The following ATP2B1 variants were observed in gnomAD, a reference collection of about 807,000 sequenced individuals.
ATP2B1 encodes the protein ATPase plasma membrane Ca2+ transporting 1, also known as plasma membrane calcium-transporting ATPase 1.
A neutral mutation model predicts 124.2 loss-of-function variants in ATP2B1; 14 were observed. That is an observed-to-expected ratio of 0.11 (90% CI 0.07 to 0.18). The LOEUF is 0.18. Among genes scored for constraint, ATP2B1 ranks in the 10% least tolerant of loss-of-function variants. The probability of loss-of-function intolerance (pLI) is 1.00; values close to 1 mark genes in which losing one functional copy is unlikely to be tolerated. For synonymous variants in ATP2B1, 449 were observed against 492.4 expected, an observed-to-expected ratio of 0.91 and a Z score of 1.17; for missense variants, 763 against 1,466.1, an observed-to-expected ratio of 0.52 and a Z score of 7.83.
chr12:89,608,334 A>G (rs934091978), intron 15 of ATP2B1, among the ~76,000 whole-genome samples: 2 of 151,864 alleles, frequency 1.3e-5, no homozygotes, highest in Non-Finnish European at 2.9e-5. Flanking sequence ...CATCCAGCTA[A>G]TTTTTGTATG....
intron 1 of ATP2B1, among the ~76,000 whole-genome samples, chr12:89,706,762 A>C (rs952489146): frequency 1.3e-5 from 2 of 152,206 alleles, no homozygotes; most frequent in Non-Finnish European, 2.9e-5. Context: ...GAAAATCACG[A>C]AATTTTAAAT....
intron 1 of ATP2B1, among the ~76,000 whole-genome samples, chr12:89,659,980 A>C (rs1214015693): frequency 6.6e-6 from 1 of 151,848 alleles, no homozygotes. Flanking sequence ...CAACAATAAA[A>C]AATCAATTAT....
chr12:89,642,460 A>C, intron 2 of ATP2B1, 105 bp from the exon 3 acceptor site: 7 of 1,078,308 alleles, frequency 6.5e-6, no homozygotes, highest in African/African-American at 1.6e-5. Flanking sequence ...CCCTACCAAA[A>C]TGTTTACTTT....
intron 2 of ATP2B1, among the ~76,000 whole-genome samples, chr12:89,643,382 G>GTTAATC (rs1470931341): frequency 2.0e-5 from 3 of 152,096 alleles, no homozygotes; most frequent in Non-Finnish European, 4.4e-5. Context: ...ACAGTGAAAA[G>GTTAATC]TTAATCTATC....
chr12:89,629,230 AG>A (rs1881447907), intron 6 of ATP2B1, among the ~76,000 whole-genome samples: 1 of 152,212 alleles, frequency 6.6e-6, no homozygotes, highest in Admixed American at 6.5e-5. Flanking sequence ...GCCAGAGAAG[AG>A]GGTGTGACCT....
chr12:89,622,645 G>C (rs748240117), intron 9 of ATP2B1, among the ~76,000 whole-genome samples: 1 of 151,876 alleles, frequency 6.6e-6, no homozygotes, highest in Non-Finnish European at 1.5e-5. Flanking sequence ...TGTGAAAAAC[G>C]GATGTGTATT....
rs200552919 is a variant in ATP2B1 at position 89,611,384 on chromosome 12, TAA to T, written c.2068-14_2068-13del. ...ATTGCATCTGGCACCTGGTTTACATTAAAAAAAAAAATTACAAAGTTAATTTG... is the reference window on the plus strand; with the variant it reads ...ATTGCATCTGGCACCTGGTTTACATTAAAAAAAAATTACAAAGTTAATTTG... On this transcript the variant is annotated splice_polypyrimidine_tract_variant and intron_variant, in intron 12 of 20. Transcript: ENST00000428670. 2.3e-5 allele frequency: 28 copies of T among 1,191,960 alleles called. No homozygotes were observed. Among genetic ancestry groups the T allele is most frequent in the East Asian group, 1.2e-4 (4 of 32,514 alleles). 73.8% of individuals were successfully genotyped at this position (1,191,960 alleles called of 1,614,324 possible).
intron 1 of ATP2B1, among the ~76,000 whole-genome samples, chr12:89,685,282 A>T (rs994980187): frequency 3.3e-5 from 5 of 152,118 alleles, no homozygotes; most frequent in African/African-American, 1.2e-4. Flanking sequence ...CAATCAAAGG[A>T]TCTCTTCAAC....
Position 89,615,978 on chromosome 12 carries a change from G to A in ATP2B1, c.2067+824C>T, listed in dbSNP as rs542763727. Among the ~76,000 whole-genome samples, 8 of 152,242 alleles carry A rather than the reference G, an allele frequency of 5.3e-5. No individual in the cohort carries two copies. In the East Asian group the frequency reaches 1.3e-3, roughly 26 times the overall value. On this transcript the variant is annotated intron_variant, in intron 12 of 20. Transcript: ENST00000428670. Reference sequence around the variant, plus strand: ...ATTACTTGTAAAACACATGGCTTAAGTATATGGCACACAGTGAGAACTCAA... The same window carrying A: ...ATTACTTGTAAAACACATGGCTTAAATATATGGCACACAGTGAGAACTCAA...
chr12:89,708,170 G>T (rs1475275006), intron 1 of ATP2B1, among the ~76,000 whole-genome samples: 1 of 152,156 alleles, frequency 6.6e-6, no homozygotes, highest in African/African-American at 2.4e-5. Context: ...ACCCTCCCGG[G>T]GCGCGGGGAG....
Position 89,620,079 on chromosome 12 carries a change from C to T in ATP2B1, c.1749G>A (p.Lys583=). 6.2e-7 allele frequency: 1 copy of T among 1,614,094 alleles called. No homozygotes were observed. The highest frequency in any genetic ancestry group is 8.5e-7 in the Non-Finnish European group (1 of 1,179,984). Residue 583 remains lysine, a synonymous_variant, in exon 11 of 21, where the codon AAG becomes AAA. Transcript: ENST00000428670. The part of the protein sequence containing the change: ...YKVYTFNSVR[K]SMSTVLKNSD... ...AATTTTTCAGGACAGTACTCATGGA[C>T]TTCCTAACAGAATTGAAGGTGTAGA...
chr12:89,669,393 A>C (rs1887677614), intron 1 of ATP2B1, among the ~76,000 whole-genome samples: 1 of 152,174 alleles, frequency 6.6e-6, no homozygotes, highest in African/African-American at 2.4e-5. Flanking sequence ...CAAAGAAGCA[A>C]AGATTTTTTT....
chr12:89,621,170 T>C (rs1879898121), intron 10 of ATP2B1, among the ~76,000 whole-genome samples: 1 of 152,136 alleles, frequency 6.6e-6, no homozygotes, highest in Non-Finnish European at 1.5e-5. Context: ...ATATAAAACA[T>C]GTTATTTTAA....
At chr12:89,665,410 C>A (rs1565890754) in intron 1 of ATP2B1, among the ~76,000 whole-genome samples, 1 of 152,006 alleles carries the variant, frequency 6.6e-6, no homozygotes, top group East Asian at 1.9e-4. Context: ...TCTTAGGTAC[C>A]TACTTTCTTT....
At chr12:89,687,007 G>T (rs948906846) in intron 1 of ATP2B1, among the ~76,000 whole-genome samples, 3 of 151,756 alleles carry the variant, frequency 2.0e-5, no homozygotes, top group African/African-American at 7.3e-5. Flanking sequence ...GAAAATATTC[G>T]GGGGGAAAAA....
chr12:89,696,884 G>A (rs746098101), intron 1 of ATP2B1, among the ~76,000 whole-genome samples: 10 of 152,034 alleles, frequency 6.6e-5, no homozygotes, highest in African/African-American at 9.7e-5. Flanking sequence ...AGCTACACAG[G>A]TGTTCATTTT....
chr12:89,706,108 G>A (rs1049281210), intron 1 of ATP2B1, among the ~76,000 whole-genome samples: 2 of 152,116 alleles, frequency 1.3e-5, no homozygotes, highest in Non-Finnish European at 2.9e-5. Context: ...TGTCACTACA[G>A]TAACTCTTTT....
At position 89,624,176 on chromosome 12, in the gene ATP2B1, T is replaced by A; in HGVS notation, c.1344+7A>T. The stretch of plus-strand genomic sequence containing the variant: ...TAACAACGTCTACTGAACTATTTTC[T>A]ACTTACTTTGACTGAATAAGCCAGT... On this transcript the variant is annotated splice_region_variant and intron_variant, in intron 9 of 20. Coordinates refer to ENST00000428670, the MANE Select transcript of ATP2B1 (RefSeq NM_001366521.1). 2 of 1,612,952 alleles carry A rather than the reference T, an allele frequency of 1.2e-6. No homozygotes were observed. Among genetic ancestry groups the A allele is most frequent in the Non-Finnish European group, 1.7e-6 (2 of 1,179,084 alleles).
intron 5 of ATP2B1, among the ~76,000 whole-genome samples, chr12:89,632,776 C>T (rs893149615): frequency 1.3e-5 from 2 of 152,104 alleles, no homozygotes; most frequent in African/African-American, 4.8e-5. Context: ...ACTTTCCCAC[C>T]CATACTGCGA....
Sources: gnomAD v4.1 joint callset for allele counts (sites outside exome capture counted in the v4.1 genomes callset) on GRCh38, gnomAD v4.1.1 for gene constraint, MANE v1.5 for transcripts, NCBI Gene and HGNC (gene_info 2026-07-23, HGNC 2026-07-21) for gene names.